SEL1L3: variants seen among roughly 807,000 people sequenced by gnomAD.
The protein encoded by SEL1L3 is SEL1L family member 3.
Under a neutral mutation model 142.8 loss-of-function variants are expected in SEL1L3, and 76 were observed. That is an observed-to-expected ratio of 0.53 (90% CI 0.44 to 0.64). SEL1L3 has a LOEUF of 0.64. Ranked by LOEUF, SEL1L3 falls within the 30% of genes least tolerant of loss-of-function variation. SEL1L3 has a pLI of 0.00. For synonymous variants in SEL1L3, 504 were observed against 519.6 expected (o/e 0.97, Z 0.41); for missense variants, 1,262 against 1,381.7 (o/e 0.91, Z 1.37).
rs1716625648 is a variant in SEL1L3 at position 25,847,726 on chromosome 4, C to T, written c.301G>A (p.Val101Ile). 1 of 1,613,928 alleles carries T rather than the reference C, an allele frequency of 6.2e-7. No homozygotes were observed. The highest frequency in any genetic ancestry group is 1.3e-5 in the African/African-American group (1 of 75,016). The change falls in exon 2 of 24, where the codon GTT (valine) becomes ATT (isoleucine). Residue 101 changes from valine to isoleucine, a missense_variant. Around this residue, in one of 3 missense-constraint regions of SEL1L3, gnomAD observed 689 missense variants for 692.8 expected, o/e 0.99. Transcript: ENST00000399878. Reference protein sequence around the residue: ...GNVRNVSEVSVEYLCSQPCVV... With the variant: ...GNVRNVSEVSIEYLCSQPCVV... Reference sequence around the variant, plus strand: ...CAAGGCTGAGAGCATAAATACTCAACCGAGACTTCAGAAACGTTGCGAACG... The same window carrying T: ...CAAGGCTGAGAGCATAAATACTCAATCGAGACTTCAGAAACGTTGCGAACG...
At position 25,765,367 on chromosome 4, in the gene SEL1L3, C is replaced by G; in HGVS notation, c.2914G>C (p.Val972Leu). 1.2e-6 allele frequency: 2 copies of G among 1,613,912 alleles called. No individual in the cohort carries two copies. Among genetic ancestry groups the G allele is most frequent in the Non-Finnish European group, 1.7e-6 (2 of 1,179,842 alleles). ...QNQSQDLELSVQMYAQAALDG... is the reference protein window; with the variant it reads ...QNQSQDLELSLQMYAQAALDG... ...AGGGCGGCTTGGGCGTACATCTGCA[C>G]AGACAACTCCAGGTCTTGTGACTGG... The change falls in exon 20 of 24, where the codon GTG becomes CTG. Residue 972 changes from valine (V) to leucine (L), a missense_variant. Around this residue, in one of 3 missense-constraint regions of SEL1L3, gnomAD observed 435 missense variants for 559.2 expected, o/e 0.78. Transcript: ENST00000399878.
intron 2 of SEL1L3, among the ~76,000 whole-genome samples, 164 bp downstream of exon 2, chr4:25,847,130 T>G (rs1264171918): frequency 1.3e-5 from 2 of 152,086 alleles, no homozygotes; most frequent in Non-Finnish European, 2.9e-5. Context: ...CCCTTTTAAT[T>G]TTTCTCCTTT....
chr4:25,823,763 G>T (rs913474682), intron 6 of SEL1L3, among the ~76,000 whole-genome samples: 2 of 152,114 alleles, frequency 1.3e-5, no homozygotes, highest in African/African-American at 4.8e-5. Flanking sequence ...GCTGCCAGGA[G>T]CCCAGGGAGC....
At chr4:25,745,926 G>A (rs1717247781), downstream of SEL1L3, among the ~76,000 whole-genome samples, 1 of 152,236 alleles carries the variant, frequency 6.6e-6, no homozygotes, top group Admixed American at 6.5e-5. Context: ...GAGGATCTCA[G>A]CAGAGCAGAG....
chr4:25,792,189 G>T (rs576470360), intron 11 of SEL1L3, among the ~76,000 whole-genome samples: 15 of 151,884 alleles, frequency 9.9e-5, no homozygotes, highest in South Asian at 2.1e-4. Flanking sequence ...GAGATACGTG[G>T]TATTTTTTTC....
chr4:25,836,558 G>A (rs1034756767), intron 2 of SEL1L3, among the ~76,000 whole-genome samples: 2 of 152,062 alleles, frequency 1.3e-5, no homozygotes, highest in Non-Finnish European at 2.9e-5. Flanking sequence ...AGGCTGAGGC[G>A]AGAGAATTGC....
chr4:25,730,123 G>A, the SEL1L3 span, among the ~76,000 whole-genome samples: 2 of 151,826 alleles, frequency 1.3e-5, no homozygotes, highest in African/African-American at 4.8e-5. Flanking sequence ...TAGTAGAGAC[G>A]GGGTTTCACT....
At chr4:25,726,901 A>T in the SEL1L3 span, among the ~76,000 whole-genome samples, 3 of 152,156 alleles carry the variant, frequency 2.0e-5, no homozygotes, top group Admixed American at 2.0e-4. Context: ...AGGAGGCTGG[A>T]AGTCCAAGAT....
chr4:25,784,135 A>C, intron 14 of SEL1L3, 93 bp downstream of exon 14: 1 of 1,072,346 alleles, frequency 9.3e-7, no homozygotes, highest in Non-Finnish European at 1.4e-6. Flanking sequence ...AGGGCTTTGT[A>C]GGAAGAGGCT....
In SEL1L3 at chr4:25,758,982, G is replaced by A. The variant is rs749840606; in HGVS notation, c.3042C>T (p.Leu1014=). The A allele has an allele frequency of 4.3e-6, 7 of 1,613,660 alleles. No homozygotes were observed. In the African/African-American group the frequency reaches 9.3e-5, roughly 22 times the overall value. Residue 1014 remains leucine, a synonymous_variant, in exon 21 of 24, where the codon CTC becomes CTT. Transcript: ENST00000399878. ...GGAGAATGGAGATGTTATTAGAATG[G>A]AGAGTTGAGTCAATTTCCAAGAAAT... is the stretch of plus-strand genomic sequence containing the variant. ...ILDFLEIDST[L]HSNNISILQE... is the part of the protein sequence containing the mutation.
At chr4:25,849,062 C>A (rs564102771) in intron 1 of SEL1L3, among the ~76,000 whole-genome samples, 155 of 152,248 alleles carry the variant, frequency 1.0e-3, no homozygotes, top group African/African-American at 3.4e-3. Context: ...TCACTTGAAC[C>A]CGGGAGGTGG....
chr4:25,756,233 A>G, intron 23 of SEL1L3: 1 of 985,372 alleles, frequency 1.0e-6, no homozygotes, highest in South Asian at 4.7e-5. Context: ...ACCCTTTTGT[A>G]GCCGTCCGAG....
the SEL1L3 span, among the ~76,000 whole-genome samples, chr4:25,733,515 T>A: frequency 1.4e-5 from 2 of 145,828 alleles, no homozygotes; most frequent in South Asian, 4.4e-4. Context: ...TTTTTTTATA[T>A]TCCTTAGCTT....
Position 25,862,902 on chromosome 4 carries a change from C to T in SEL1L3, c.-66G>A. On this transcript the variant is annotated 5_prime_UTR_variant, in exon 1 of 24. Coordinates refer to ENST00000399878, the MANE Select transcript of SEL1L3 (RefSeq NM_015187.5). The stretch of plus-strand genomic sequence containing the variant: ...TGCAGGGACCGGCCCCCGCCCGAGG[C>T]GCCACCTTCCCGCCCGCCCCCGGCC... 2 of 1,013,726 alleles carry T rather than the reference C, an allele frequency of 2.0e-6. No homozygotes were observed. Among genetic ancestry groups the T allele is most frequent in the Non-Finnish European group, 2.4e-6 (2 of 847,844 alleles). 62.8% of individuals were successfully genotyped at this position (1,013,726 alleles called of 1,614,324 possible).
At chr4:25,797,786 G>A (rs997967077) in intron 11 of SEL1L3, among the ~76,000 whole-genome samples, 3 of 152,164 alleles carry the variant, frequency 2.0e-5, no homozygotes, top group African/African-American at 7.2e-5. Flanking sequence ...GCTGGGCCCC[G>A]GGACACAGAG....
chr4:25,794,262 GCAACTTACC>G (rs1299934709), intron 11 of SEL1L3, among the ~76,000 whole-genome samples: 4 of 152,230 alleles, frequency 2.6e-5, no homozygotes, highest in African/African-American at 9.6e-5. Flanking sequence ...AAACATTTTT[GCAACTTACC>G]CATCTGACAA....
Position 25,776,364 on chromosome 4 carries a change from A to G in SEL1L3, c.2586-4T>C. 1 of 1,389,768 alleles carries G rather than the reference A, an allele frequency of 7.2e-7. No homozygotes were observed. Among genetic ancestry groups the G allele is most frequent in the South Asian group, 1.3e-5 (1 of 74,734 alleles). The allele number at this position is 1,389,768 out of a possible 1,614,324, so 86.1% of individuals were successfully genotyped here. A position where few individuals can be genotyped will look rare whatever the true frequency, so the allele number is the denominator to read the frequency against. On this transcript the variant is annotated splice_polypyrimidine_tract_variant and splice_region_variant and intron_variant, in intron 16 of 23. Transcript: ENST00000399878. Reference sequence around the variant, plus strand: ...CTCAGCTACATGTTTTGCCCATCTGAAAAAAAAAAGGGAAGAGAAAATACG... The same window carrying G: ...CTCAGCTACATGTTTTGCCCATCTGGAAAAAAAAAGGGAAGAGAAAATACG...
At chr4:25,729,675 C>T in the SEL1L3 span, among the ~76,000 whole-genome samples, 8 of 152,182 alleles carry the variant, frequency 5.3e-5, no homozygotes, top group Admixed American at 5.2e-4. Context: ...GATCGCGGCA[C>T]TGCACTTCAG....
rs150048310 is a variant in SEL1L3 at position 25,777,135 on chromosome 4, A to G, written c.2586-775T>C. On this transcript the variant is annotated intron_variant, in intron 16 of 23. Coordinates refer to ENST00000399878, the MANE Select transcript of SEL1L3 (RefSeq NM_015187.5). ...CATTTAAGAATGAAGAAAAGTTGAA[A>G]GCAAAAAAATGGAAAAAGATAAATC... 3.0e-3 allele frequency among the ~76,000 whole-genome samples: 459 copies of G among 152,242 alleles called. 4 individuals are homozygous for G. Among genetic ancestry groups the G allele is most frequent in the African/African-American group, 0.011 (445 of 41,582 alleles).
Sources: gnomAD v4.1 joint callset for allele counts (sites outside exome capture counted in the v4.1 genomes callset) on GRCh38, gnomAD v4.1.1 for gene constraint, gnomAD v4.1.1 regional missense constraint, MANE v1.5 for transcripts, NCBI Gene and HGNC (gene_info 2026-07-23, HGNC 2026-07-21) for gene names.